Variants in CAMK4 observed in about 807,000 individuals in gnomAD.
CAMK4 encodes calcium/calmodulin-dependent protein kinase type IV.
CAMK4 carries 22 observed loss-of-function variants against 44.9 expected under a neutral mutation model. The ratio of observed to expected loss-of-function variants is 0.49; its 90% CI spans 0.35 to 0.70. CAMK4 has a LOEUF of 0.70. Among genes scored for constraint, CAMK4 ranks in the 30% least tolerant of loss-of-function variants. The pLI, the probability that CAMK4 is intolerant of heterozygous loss-of-function variation, is 0.01. For synonymous variants in CAMK4, 218 were observed against 215.4 expected, an observed-to-expected ratio of 1.01 and a Z score of -0.11; for missense variants, 498 against 586.8, an observed-to-expected ratio of 0.85 and a Z score of 1.56.
At chr5:111,274,254 T>G (rs901440817) in intron 1 of CAMK4, among the ~76,000 whole-genome samples, 12 of 152,168 alleles carry the variant, frequency 7.9e-5, no homozygotes, top group African/African-American at 2.9e-4. Flanking sequence ...CTCCCATTCA[T>G]TCTCCCTCTC....
intron 1 of CAMK4, among the ~76,000 whole-genome samples, chr5:111,284,002 T>C (rs530242357): frequency 6.6e-6 from 1 of 152,362 alleles, no homozygotes; most frequent in African/African-American, 2.4e-5. Flanking sequence ...GAGGCTTTCA[T>C]AAAATAGGTC....
At chr5:111,296,742 G>A (rs1361052765) in intron 1 of CAMK4, among the ~76,000 whole-genome samples, 1 of 152,178 alleles carries the variant, frequency 6.6e-6, no homozygotes, top group Non-Finnish European at 1.5e-5. Context: ...TCAGCTTCAT[G>A]AGGATACTAT....
chr5:111,430,264 A>G (rs1753395374), intron 5 of CAMK4, among the ~76,000 whole-genome samples: 2 of 152,194 alleles, frequency 1.3e-5, no homozygotes, highest in Non-Finnish European at 1.5e-5. Flanking sequence ...ATAAAATTCA[A>G]CCTCCTTTCA....
At chr5:111,457,921 T>C (rs968920780) in intron 7 of CAMK4, among the ~76,000 whole-genome samples, 1 of 152,190 alleles carries the variant, frequency 6.6e-6, no homozygotes, top group Non-Finnish European at 1.5e-5. Flanking sequence ...TTTTAAAAAA[T>C]CTAGTTAATT....
intron 1 of CAMK4, among the ~76,000 whole-genome samples, chr5:111,271,586 A>C (rs970467878): frequency 6.6e-6 from 1 of 152,222 alleles, no homozygotes; most frequent in South Asian, 2.1e-4. Flanking sequence ...AGTCAGATGG[A>C]TGTGAGACTG....
intron 1 of CAMK4, among the ~76,000 whole-genome samples, chr5:111,246,734 G>T (rs749505459): frequency 2.0e-5 from 3 of 152,102 alleles, no homozygotes; most frequent in Non-Finnish European, 4.4e-5. Context: ...AATTGACCTA[G>T]GCCCAGATTA....
rs115596105 is a variant in CAMK4 at position 111,374,807 on chromosome 5, G to T, written c.241-43G>T. 6.7e-6 allele frequency: 8 copies of T among 1,194,260 alleles called. No homozygotes were observed. The East Asian group carries it at 1.4e-4, about 21-fold the overall frequency. The allele number at this position is 1,194,260 out of a possible 1,614,324, so 74.0% of individuals were successfully genotyped here. ...TTTCTATTTCTCTGCTACAATGAAG[G>T]GGGGAGTTTCTTTCAGTTTATCTCT... is the stretch of plus-strand genomic sequence containing the variant. On this transcript the variant is annotated intron_variant, in intron 2 of 10. Coordinates refer to ENST00000282356, the MANE Select transcript of CAMK4 (RefSeq NM_001744.6).
At chr5:111,423,468 G>A (rs1315063367) in intron 5 of CAMK4, among the ~76,000 whole-genome samples, 2 of 152,112 alleles carry the variant, frequency 1.3e-5, no homozygotes, top group Non-Finnish European at 2.9e-5. Flanking sequence ...CATGTTGAAC[G>A]TGCTATAGGT....
At chr5:111,294,971 A>T (rs1288499153) in intron 1 of CAMK4, among the ~76,000 whole-genome samples, 3 of 152,218 alleles carry the variant, frequency 2.0e-5, no homozygotes, top group African/African-American at 7.2e-5. Context: ...TCTGATATCT[A>T]TACAGGGAAG....
chr5:111,268,930 A>G (rs551387974), intron 1 of CAMK4, among the ~76,000 whole-genome samples: 2 of 152,360 alleles, frequency 1.3e-5, no homozygotes, highest in East Asian at 3.9e-4. Flanking sequence ...GTATTATATC[A>G]ATTTAAGAAA....
chr5:111,264,593 G>A (rs1461140713), intron 1 of CAMK4, among the ~76,000 whole-genome samples: 2 of 152,124 alleles, frequency 1.3e-5, no homozygotes, highest in Admixed American at 1.3e-4. Flanking sequence ...TGAAGTCATT[G>A]ATGTGATTCA....
chr5:111,358,104 C>G (rs982682320), intron 2 of CAMK4: 1 of 152,092 alleles, frequency 6.6e-6, no homozygotes, highest in Non-Finnish European at 1.5e-5. Flanking sequence ...GACACAGGCA[C>G]AGAGAAGCGG....
At chr5:111,246,401 G>T (rs1249682446) in intron 1 of CAMK4, among the ~76,000 whole-genome samples, 1 of 152,180 alleles carries the variant, frequency 6.6e-6, no homozygotes, top group Non-Finnish European at 1.5e-5. Context: ...AAATACTGAA[G>T]CACCAAAAGA....
At chr5:111,327,620 C>T (rs2112711399) in intron 1 of CAMK4, among the ~76,000 whole-genome samples, 1 of 152,090 alleles carries the variant, frequency 6.6e-6, no homozygotes, top group East Asian at 1.9e-4. Context: ...TTTACAGTCC[C>T]ACCAACAGTG....
intron 5 of CAMK4, among the ~76,000 whole-genome samples, chr5:111,442,504 C>A (rs1350525402): frequency 1.8e-4 from 23 of 127,840 alleles, no homozygotes; most frequent in South Asian, 1.5e-3. Context: ...AACAAACAAA[C>A]AAAAAACCAA....
At chr5:111,373,114 T>C (rs892058461) in intron 2 of CAMK4, among the ~76,000 whole-genome samples, 1 of 152,204 alleles carries the variant, frequency 6.6e-6, no homozygotes, top group African/African-American at 2.4e-5. Context: ...TATTGCAAAT[T>C]GATTTTAATA....
intron 2 of CAMK4, among the ~76,000 whole-genome samples, chr5:111,360,494 G>A (rs1319706453): frequency 6.6e-6 from 1 of 152,058 alleles, no homozygotes; most frequent in African/African-American, 2.4e-5. Context: ...ACCAGTCCAG[G>A]GGTCACAAGC....
Position 111,492,043 on chromosome 5 carries a change from G to C in CAMK4, c.*7577G>C, listed in dbSNP as rs1024679675. 3 of 151,930 alleles carry C rather than the reference G, an allele frequency of 2.0e-5. No individual in the cohort carries two copies. Among genetic ancestry groups the C allele is most frequent in the African/African-American group, 7.3e-5 (3 of 41,354 alleles). 9.4% of individuals were successfully genotyped at this position (151,930 alleles called of 1,614,324 possible). On this transcript the variant is annotated 3_prime_UTR_variant, in exon 11 of 11. Transcript: ENST00000282356. ...GAGAGGGCCTTGAGTAAATGCTTTC[G>C]TTTGCTTTCCTTACATATTTAGAAA...
At chr5:111,301,373 A>G (rs1165776453) in intron 1 of CAMK4, among the ~76,000 whole-genome samples, 1 of 152,236 alleles carries the variant, frequency 6.6e-6, no homozygotes, top group Non-Finnish European at 1.5e-5. Flanking sequence ...ATTGACAAAT[A>G]AAGAATAATT....
Sources: gnomAD v4.1 joint callset for allele counts (sites outside exome capture counted in the v4.1 genomes callset) on GRCh38, gnomAD v4.1.1 for gene constraint, MANE v1.5 for transcripts, NCBI Gene and HGNC (gene_info 2026-07-23, HGNC 2026-07-21) for gene names.